Variants in TMEM178B observed in about 807,000 individuals in gnomAD.
The protein encoded by TMEM178B is transmembrane protein 178B.
In TMEM178B, 5 loss-of-function variants were observed where a neutral mutation model predicts 31.0. The observed-to-expected ratio is 0.16, with a 90% CI of 0.08 to 0.34. The LOEUF (loss-of-function observed/expected upper bound fraction) is 0.34. Ranked by LOEUF, TMEM178B falls within the 10% of genes least tolerant of loss-of-function variation. The pLI is 1.00. For missense variants in TMEM178B, 275 were observed against 400.3 expected (o/e 0.69, Z 2.67); for synonymous variants, 164 against 164.0 (o/e 1.00, Z 0.00).
At chr7:141,410,644 G>A (rs886523462) in intron 2 of TMEM178B, among the ~76,000 whole-genome samples, 4 of 151,554 alleles carry the variant, frequency 2.6e-5, no homozygotes, top group South Asian at 4.2e-4. Flanking sequence ...CCTAGAAATC[G>A]CAGCCTCAGA....
At chr7:141,388,318 G>T (rs1031789133) in intron 2 of TMEM178B, among the ~76,000 whole-genome samples, 2 of 152,124 alleles carry the variant, frequency 1.3e-5, no homozygotes, top group African/African-American at 4.8e-5. Flanking sequence ...GGAGACATCT[G>T]CCTGAGATAA....
At chr7:141,297,964 G>A (rs1798663512) in intron 2 of TMEM178B, among the ~76,000 whole-genome samples, 1 of 152,186 alleles carries the variant, frequency 6.6e-6, no homozygotes, top group African/African-American at 2.4e-5. Context: ...CTAGTTTACA[G>A]TCCCACCAAC....
chr7:141,126,254 T>C (rs942436849), intron 1 of TMEM178B, among the ~76,000 whole-genome samples: 17 of 152,100 alleles, frequency 1.1e-4, no homozygotes, highest in African/African-American at 4.1e-4. Flanking sequence ...AGGAATAGCA[T>C]GAGTCAAGCA....
chr7:141,438,116 T>C (rs969795004), intron 3 of TMEM178B, among the ~76,000 whole-genome samples: 3 of 152,064 alleles, frequency 2.0e-5, no homozygotes, highest in Non-Finnish European at 4.4e-5. Flanking sequence ...CCCTGGGCAT[T>C]AGTGTGGGAA....
intron 2 of TMEM178B, among the ~76,000 whole-genome samples, chr7:141,373,151 A>G (rs1800148741): frequency 6.6e-6 from 1 of 152,178 alleles, no homozygotes; most frequent in Non-Finnish European, 1.5e-5. Flanking sequence ...GATCTTGCAT[A>G]TGAAATACCT....
At chr7:141,149,376 C>T (rs1325456337) in intron 1 of TMEM178B, among the ~76,000 whole-genome samples, 2 of 152,102 alleles carry the variant, frequency 1.3e-5, no homozygotes, top group African/African-American at 4.8e-5. Context: ...AAAACCCCAT[C>T]TCTACTAAAA....
chr7:141,102,852 G>A (rs951127178), intron 1 of TMEM178B, among the ~76,000 whole-genome samples: 1 of 152,224 alleles, frequency 6.6e-6, no homozygotes, highest in Non-Finnish European at 1.5e-5. Flanking sequence ...CTTTCTGTGA[G>A]GCAGGCAGGG....
chr7:141,241,649 C>T (rs1297027670), intron 2 of TMEM178B, among the ~76,000 whole-genome samples: 2 of 149,804 alleles, frequency 1.3e-5, no homozygotes, highest in African/African-American at 4.9e-5. Context: ...AAGGCTCCAG[C>T]AAGATTTGAG....
chr7:141,256,423 C>T (rs1242747790), intron 2 of TMEM178B, among the ~76,000 whole-genome samples: 2 of 152,174 alleles, frequency 1.3e-5, no homozygotes, highest in Middle Eastern at 3.4e-3. Context: ...GAGCAAGTGC[C>T]GAGGCCCTAA....
At chr7:141,176,779 T>G (rs1796441401) in intron 1 of TMEM178B, among the ~76,000 whole-genome samples, 1 of 152,246 alleles carries the variant, frequency 6.6e-6, no homozygotes, top group African/African-American at 2.4e-5. Flanking sequence ...TGGTAGTTTG[T>G]ATTTCTGTGG....
At chr7:141,137,769 A>G (rs1485072845) in intron 1 of TMEM178B, among the ~76,000 whole-genome samples, 1 of 152,230 alleles carries the variant, frequency 6.6e-6, no homozygotes, top group Non-Finnish European at 1.5e-5. Context: ...GCATATATCA[A>G]ATATCACAGG....
chr7:141,293,240 C>G (rs537204521), intron 2 of TMEM178B, among the ~76,000 whole-genome samples: 1 of 152,120 alleles, frequency 6.6e-6, no homozygotes, highest in African/African-American at 2.4e-5. Context: ...GAAAAGGACC[C>G]ACCTGGGGGC....
chr7:141,199,745 C>T (rs925319341), intron 1 of TMEM178B, among the ~76,000 whole-genome samples: 17 of 152,152 alleles, frequency 1.1e-4, no homozygotes, highest in African/African-American at 4.1e-4. Context: ...GCCACCATGC[C>T]TGGCTAAATA....
intron 2 of TMEM178B, among the ~76,000 whole-genome samples, chr7:141,231,011 C>T (rs1797433674): frequency 6.6e-6 from 1 of 152,112 alleles, no homozygotes; most frequent in South Asian, 2.1e-4. Flanking sequence ...AAATGGACAA[C>T]CTTTGGATAA....
chr7:141,311,063 C>A (rs1798901921), intron 2 of TMEM178B, among the ~76,000 whole-genome samples: 1 of 152,200 alleles, frequency 6.6e-6, no homozygotes, highest in Non-Finnish European at 1.5e-5. Context: ...AAAACAAACA[C>A]TGCATGTTCT....
In TMEM178B at chr7:141,298,975, G is replaced by A. The variant is rs1351524177; in HGVS notation, c.496+86271G>A. ...TTGCATGCACACCTGAGTTTGGTAGGAACATGTGGGATTTTGTCTGCAGGA... is the reference window on the plus strand; with the variant it reads ...TTGCATGCACACCTGAGTTTGGTAGAAACATGTGGGATTTTGTCTGCAGGA... On this transcript the variant is annotated intron_variant, in intron 2 of 3. Transcript: ENST00000565468. Among the ~76,000 whole-genome samples the A allele has an allele frequency of 6.6e-5, 10 of 152,096 alleles. No homozygotes were observed. In the South Asian group the frequency reaches 2.1e-3, roughly 32 times the overall value.
chr7:141,248,211 G>A (rs966069868), intron 2 of TMEM178B, among the ~76,000 whole-genome samples: 1 of 152,140 alleles, frequency 6.6e-6, no homozygotes, highest in Non-Finnish European at 1.5e-5. Flanking sequence ...AGGAGTTGGA[G>A]ACAAGCCTGG....
At position 141,474,050 on chromosome 7, in the gene TMEM178B, C is replaced by A. The variant is rs768534580; in HGVS notation, c.*3264C>A. ...AGGGCATTTAGGGTCAATGACCTCA[C>A]TAAAGTCACCAGCCGCAACCCCAGG... On this transcript the variant is annotated 3_prime_UTR_variant, in exon 4 of 4. Transcript: ENST00000565468. The A allele has an allele frequency of 6.6e-6, 1 of 152,186 alleles. No individual in the cohort carries two copies. The highest frequency in any genetic ancestry group is 1.5e-5 in the Non-Finnish European group (1 of 68,056). The allele number at this position is 152,186 out of a possible 1,614,324, so 9.4% of individuals were successfully genotyped here.
At chr7:141,146,968 T>G (rs972909057) in intron 1 of TMEM178B, among the ~76,000 whole-genome samples, 2 of 152,208 alleles carry the variant, frequency 1.3e-5, no homozygotes, top group Non-Finnish European at 2.9e-5. Context: ...TGGGTGGACA[T>G]ATCTATAAGA....
Sources: gnomAD v4.1 joint callset for allele counts (sites outside exome capture counted in the v4.1 genomes callset) on GRCh38, gnomAD v4.1.1 for gene constraint, MANE v1.5 for transcripts, NCBI Gene and HGNC (gene_info 2026-07-23, HGNC 2026-07-21) for gene names.